Variants in GALNT10 observed in about 807,000 individuals in gnomAD.
The protein encoded by GALNT10 is GalNAc transferase 10.
GALNT10 carries 41 observed loss-of-function variants against 75.0 expected under a neutral mutation model. The observed-to-expected ratio is 0.55, with a 90% CI of 0.43 to 0.71. The LOEUF is 0.71. GALNT10 is among the 30% of genes least tolerant of loss of function. The pLI is 0.00. For missense variants in GALNT10, 727 were observed against 818.5 expected, an observed-to-expected ratio of 0.89 and a Z score of 1.36; for synonymous variants, 302 against 313.0, an observed-to-expected ratio of 0.96 and a Z score of 0.37.
At chr5:154,191,193 C>T (rs1774853582) in intron 1 of GALNT10, among the ~76,000 whole-genome samples, 168 bp downstream of exon 1, 1 of 152,168 alleles carries the variant, frequency 6.6e-6, no homozygotes, top group South Asian at 2.1e-4. Context: ...CGGGACTTGT[C>T]CAGGGTCCCA....
chr5:154,218,386 A>G (rs1266140499), intron 1 of GALNT10, among the ~76,000 whole-genome samples: 10 of 152,274 alleles, frequency 6.6e-5, no homozygotes, highest in African/African-American at 2.4e-4. Context: ...AATGAATTCC[A>G]GCCTCTGTGC....
intron 7 of GALNT10, chr5:154,386,772 C>T: frequency 2.0e-6 from 1 of 501,204 alleles, no homozygotes; most frequent in Non-Finnish European, 3.5e-6. Context: ...AAGCAGTGGG[C>T]CAGAGAAGCT....
At chr5:154,380,337 A>C (rs1755714086) in intron 5 of GALNT10, 111 bp from the exon 6 acceptor site, 2 of 863,890 alleles carry the variant, frequency 2.3e-6, no homozygotes, top group East Asian at 4.9e-5. Context: ...ATGGATTGTC[A>C]AACTGAGGGT....
At chr5:154,214,030 G>T (rs558460348) in intron 1 of GALNT10, among the ~76,000 whole-genome samples, 2 of 152,318 alleles carry the variant, frequency 1.3e-5, no homozygotes, top group Admixed American at 6.5e-5. Flanking sequence ...CAACTCTAGT[G>T]CAAGGTTTTA....
At chr5:154,321,854 T>C (rs1210447696) in intron 3 of GALNT10, among the ~76,000 whole-genome samples, 1 of 152,152 alleles carries the variant, frequency 6.6e-6, no homozygotes, top group African/African-American at 2.4e-5. Context: ...TCCAGCCCAT[T>C]GCTGTTGCAT....
chr5:154,343,048 T>C (rs1309475633), intron 4 of GALNT10, among the ~76,000 whole-genome samples: 2 of 151,972 alleles, frequency 1.3e-5, no homozygotes, highest in African/African-American at 4.8e-5. Flanking sequence ...GAGCAGAGGT[T>C]CTCAAATTTT....
At chr5:154,355,697 G>T (rs1252234302) in intron 4 of GALNT10, among the ~76,000 whole-genome samples, 1 of 149,736 alleles carries the variant, frequency 6.7e-6, no homozygotes, top group African/African-American at 2.6e-5. Flanking sequence ...TAGTAAATTT[G>T]TTTGCTCCCA....
chr5:154,281,230 T>C (rs563509781), intron 1 of GALNT10, among the ~76,000 whole-genome samples: 3 of 152,352 alleles, frequency 2.0e-5, no homozygotes, highest in African/African-American at 7.2e-5. Flanking sequence ...GATCTTTGAT[T>C]TCTGTAGCAG....
chr5:154,403,362 G>A (rs992608473), intron 7 of GALNT10, among the ~76,000 whole-genome samples: 3 of 152,122 alleles, frequency 2.0e-5, no homozygotes, highest in African/African-American at 4.8e-5. Context: ...TCAGACCAGT[G>A]GGCAAACTCA....
intron 1 of GALNT10, among the ~76,000 whole-genome samples, chr5:154,264,986 C>T (rs1406588616): frequency 6.6e-6 from 1 of 152,156 alleles, no homozygotes; most frequent in East Asian, 1.9e-4. Flanking sequence ...CCCTTCCTGA[C>T]CTCATTCTAG....
At chr5:154,344,205 CTTTCTTTT>C (rs1161818352) in intron 4 of GALNT10, among the ~76,000 whole-genome samples, 14 of 99,462 alleles carry the variant, frequency 1.4e-4, no homozygotes, top group South Asian at 3.3e-4. Flanking sequence ...TTCTTTCTTT[CTTTCTTTT>C]TTTTTTTTTT....
chr5:154,199,917 A>T (rs1181643525), intron 1 of GALNT10, among the ~76,000 whole-genome samples: 4 of 152,168 alleles, frequency 2.6e-5, no homozygotes, highest in African/African-American at 9.7e-5. Context: ...TGTCATGGTG[A>T]TGATTAGATG....
chr5:154,244,795 T>G (rs1581935863), intron 1 of GALNT10, among the ~76,000 whole-genome samples: 1 of 152,304 alleles, frequency 6.6e-6, no homozygotes, highest in South Asian at 2.1e-4. Flanking sequence ...ACTGCTGGGG[T>G]ATATCTTCAA....
At chr5:154,408,429 A>G (rs1157672675) in intron 8 of GALNT10, among the ~76,000 whole-genome samples, 1 of 152,204 alleles carries the variant, frequency 6.6e-6, no homozygotes, top group Non-Finnish European at 1.5e-5. Flanking sequence ...GGTTGAAGAA[A>G]GATGTTTTGG....
intron 3 of GALNT10, among the ~76,000 whole-genome samples, chr5:154,325,767 T>C (rs1471952173): frequency 6.6e-6 from 1 of 152,154 alleles, no homozygotes; most frequent in Admixed American, 6.5e-5. Context: ...AACATCTTAC[T>C]TACTGGTGAG....
At chr5:154,269,913 G>T (rs560747086) in intron 1 of GALNT10, among the ~76,000 whole-genome samples, 40 of 152,184 alleles carry the variant, frequency 2.6e-4, no homozygotes, top group Non-Finnish European at 5.0e-4. Context: ...GAAGGAAAGA[G>T]TCTGGGCACT....
Position 154,279,747 on chromosome 5 carries a change from A to AT in GALNT10, c.160-15059dup, listed in dbSNP as rs921213929. On this transcript the variant is annotated intron_variant, in intron 1 of 11. Transcript: ENST00000297107. ...AGGAATGTGCCACCACACCTGACAA[A>AT]TTTTTTTTTTATTTTGTTTTTATAG... Among the ~76,000 whole-genome samples, 8 of 148,034 alleles carry AT rather than the reference A, an allele frequency of 5.4e-5. No individual in the cohort carries two copies. In the South Asian group the frequency reaches 6.5e-4, roughly 12 times the overall value.
chr5:154,415,709 T>C (rs1051770615), intron 10 of GALNT10, 74 bp from the exon 11 acceptor site: 1 of 1,319,170 alleles, frequency 7.6e-7, no homozygotes, highest in Non-Finnish European at 1.0e-6. Flanking sequence ...AATTTTTCCA[T>C]AATTTAAAAA....
rs59422213 is a variant in GALNT10 at position 154,283,278 on chromosome 5, T to TAAAAAAAAA, written c.160-11524_160-11516dup. On this transcript the variant is annotated intron_variant, in intron 1 of 11. Transcript: ENST00000297107. ...GGGCAACATAATAAGACCTCGTCTGTAAAAAAAAAAAAAAAAAAAAAAGCC... is the reference window on the plus strand; with the variant it reads ...GGGCAACATAATAAGACCTCGTCTGTAAAAAAAAAAAAAAAAAAAAAAAAAAAAAAAGCC... 2.5e-5 allele frequency among the ~76,000 whole-genome samples: 2 copies of TAAAAAAAAA among 79,508 alleles called. 1 individual carries two copies. The highest frequency in any genetic ancestry group is 4.6e-5 in the Non-Finnish European group (2 of 43,690). The allele number at this position is 79,508 out of a possible 152,430, so 52.2% of individuals were successfully genotyped here.
Sources: allele counts gnomAD v4.1 joint callset (sites outside exome capture counted in the v4.1 genomes callset), GRCh38; gene constraint gnomAD v4.1.1; transcripts MANE v1.5; gene names NCBI Gene and HGNC (gene_info 2026-07-23, HGNC 2026-07-21).